EEPD1: variants seen among roughly 807,000 people sequenced by gnomAD.
EEPD1 encodes endonuclease/exonuclease/phosphatase family domain-containing protein 1.
In EEPD1, 17 loss-of-function variants were observed where a neutral mutation model predicts 46.3. The ratio of observed to expected loss-of-function variants is 0.37; its 90% CI spans 0.25 to 0.55. EEPD1 has a LOEUF of 0.55. Ranked by LOEUF, EEPD1 falls within the 20% of genes least tolerant of loss-of-function variation. The pLI is 0.83. For synonymous variants in EEPD1, 313 were observed against 315.6 expected, an observed-to-expected ratio of 0.99 and a Z score of 0.09; for missense variants, 673 against 745.6, an observed-to-expected ratio of 0.90 and a Z score of 1.13.
intron 2 of EEPD1, among the ~76,000 whole-genome samples, chr7:36,177,898 G>C (rs1785210440): frequency 6.6e-6 from 1 of 152,136 alleles, no homozygotes. Context: ...ATTTTTAGTA[G>C]AGACGGAGTT....
intron 3 of EEPD1, among the ~76,000 whole-genome samples, chr7:36,274,832 C>T (rs1787160341): frequency 6.6e-6 from 1 of 152,176 alleles, no homozygotes. Flanking sequence ...GCTCCTGGCA[C>T]GCGGACACCC....
intron 2 of EEPD1, among the ~76,000 whole-genome samples, chr7:36,226,721 A>G (rs1267783197): frequency 6.6e-6 from 1 of 152,236 alleles, no homozygotes; most frequent in Non-Finnish European, 1.5e-5. Context: ...ACACAATTCA[A>G]ATAACCATTG....
chr7:36,274,798 G>T (rs1031556674), intron 3 of EEPD1, among the ~76,000 whole-genome samples: 4 of 152,062 alleles, frequency 2.6e-5, no homozygotes, highest in Admixed American at 2.0e-4. Context: ...TTCTAATATC[G>T]GTTGTTAACA....
At chr7:36,173,751 G>T (rs890447612) in intron 2 of EEPD1, among the ~76,000 whole-genome samples, 1 of 152,170 alleles carries the variant, frequency 6.6e-6, no homozygotes, top group Non-Finnish European at 1.5e-5. Flanking sequence ...TGAGGGTAGA[G>T]GAAGAACATG....
chr7:36,163,494 G>A (rs537441177), intron 2 of EEPD1, among the ~76,000 whole-genome samples: 110 of 152,306 alleles, frequency 7.2e-4, no homozygotes, highest in African/African-American at 2.6e-3. Context: ...ATGGCTCAGC[G>A]AAGCTGAGAA....
At chr7:36,195,992 A>G (rs967711496) in intron 2 of EEPD1, among the ~76,000 whole-genome samples, 4 of 152,214 alleles carry the variant, frequency 2.6e-5, no homozygotes, top group African/African-American at 7.2e-5. Flanking sequence ...ACACACCTAG[A>G]CTATATATGG....
intron 2 of EEPD1, among the ~76,000 whole-genome samples, chr7:36,231,794 C>T (rs1319673405): frequency 6.6e-6 from 1 of 152,144 alleles, no homozygotes; most frequent in Non-Finnish European, 1.5e-5. Context: ...TAGATGGTGT[C>T]AAGTGGAGGA....
At chr7:36,240,847 C>T (rs981322446) in intron 3 of EEPD1, among the ~76,000 whole-genome samples, 1 of 152,170 alleles carries the variant, frequency 6.6e-6, no homozygotes. Flanking sequence ...CTCAGATCAT[C>T]AGGCATTAGA....
intron 2 of EEPD1, 103 bp downstream of exon 2, chr7:36,155,305 C>G: frequency 7.5e-7 from 1 of 1,337,928 alleles, no homozygotes; most frequent in South Asian, 2.0e-5. Context: ...AGGGAGGGTG[C>G]AAGAGTTTTT....
At chr7:36,281,573 A>G (rs1473891630) in intron 4 of EEPD1, among the ~76,000 whole-genome samples, 2 of 152,196 alleles carry the variant, frequency 1.3e-5, no homozygotes, top group Non-Finnish European at 2.9e-5. Flanking sequence ...TTGACTGAAA[A>G]TTTCAGATTC....
chr7:36,241,696 G>T (rs1786556201), intron 3 of EEPD1, among the ~76,000 whole-genome samples: 1 of 151,912 alleles, frequency 6.6e-6, no homozygotes, highest in Non-Finnish European at 1.5e-5. Flanking sequence ...GTGAAACCCG[G>T]TCTCTGCTAA....
chr7:36,291,367 T>A (rs1787428034), intron 6 of EEPD1, among the ~76,000 whole-genome samples: 1 of 152,188 alleles, frequency 6.6e-6, no homozygotes, highest in South Asian at 2.1e-4. Flanking sequence ...CCCTTTGTGG[T>A]GAGCCCTGGA....
intron 2 of EEPD1, among the ~76,000 whole-genome samples, chr7:36,233,357 G>C (rs1786371588): frequency 6.6e-6 from 1 of 152,244 alleles, no homozygotes; most frequent in South Asian, 2.1e-4. Flanking sequence ...CTTTTCAGAA[G>C]GAGAAACCGA....
intron 3 of EEPD1, among the ~76,000 whole-genome samples, chr7:36,272,172 C>T (rs190058857): frequency 1.4e-5 from 2 of 145,842 alleles, no homozygotes; most frequent in East Asian, 2.0e-4. Flanking sequence ...CATGAACCAC[C>T]ACCCCCTGCC....
At position 36,193,903 on chromosome 7, in the gene EEPD1, A is replaced by G. The variant is rs539177213; in HGVS notation, c.878+38701A>G. Among the ~76,000 whole-genome samples the G allele has an allele frequency of 6.6e-6, 1 of 152,186 alleles. No individual in the cohort carries two copies. Among genetic ancestry groups the G allele is most frequent in the Non-Finnish European group, 1.5e-5 (1 of 67,996 alleles). On this transcript the variant is annotated intron_variant, in intron 2 of 7. Coordinates refer to ENST00000242108, the MANE Select transcript of EEPD1 (RefSeq NM_030636.3). This position sits in a 1 kb window ranked among gnomAD's most constrained non-coding sequence, Gnocchi z 4.9. The stretch of plus-strand genomic sequence containing the variant: ...GACAGTAAAATTAGGCTGTGGACAT[A>G]ATGTGAGCATCTTGAGAGTTCAGGA...
intron 2 of EEPD1, among the ~76,000 whole-genome samples, chr7:36,179,876 C>A (rs1306626480): frequency 6.6e-6 from 1 of 152,128 alleles, no homozygotes; most frequent in East Asian, 1.9e-4. Context: ...TTGCTGGATG[C>A]TGTTTGTGAA....
intron 3 of EEPD1, among the ~76,000 whole-genome samples, chr7:36,266,322 C>T (rs1787017979): frequency 6.6e-6 from 1 of 152,166 alleles, no homozygotes; most frequent in South Asian, 2.1e-4. Context: ...CTGGGCTGTG[C>T]ATTCCTCTCC....
chr7:36,154,141 G>A lies in EEPD1; in HGVS notation c.-184G>A. On this transcript the variant is annotated 5_prime_UTR_variant, in exon 2 of 8. The change creates a new upstream start codon in the 5' untranslated region. Transcript: ENST00000242108. This position sits in a 1 kb window ranked among gnomAD's most constrained non-coding sequence, Gnocchi z 4.2. The stretch of plus-strand genomic sequence containing the variant: ...ATTGATTTATTTTCTAGGCGGCCAA[G>A]TGAAAGGTAATTTTGGACACGCCAG... The A allele has an allele frequency of 1.4e-6, 1 of 696,602 alleles. No homozygotes were observed. Among genetic ancestry groups the A allele is most frequent in the Non-Finnish European group, 2.3e-6 (1 of 430,542 alleles). 43.2% of individuals were successfully genotyped at this position (696,602 alleles called of 1,614,324 possible).
chr7:36,173,044 C>T (rs1475352042), intron 2 of EEPD1, among the ~76,000 whole-genome samples: 2 of 152,208 alleles, frequency 1.3e-5, no homozygotes, highest in East Asian at 1.9e-4. Flanking sequence ...GTGGAAAAAA[C>T]ACTACACATT....
Sources: gnomAD v4.1 joint callset for allele counts (sites outside exome capture counted in the v4.1 genomes callset) on GRCh38, gnomAD v4.1.1 for gene constraint, Gnocchi (gnomAD v3.1) non-coding constraint, MANE v1.5 for transcripts, NCBI Gene and HGNC (gene_info 2026-07-23, HGNC 2026-07-21) for gene names.